Variants in NWD1 observed in about 807,000 individuals in gnomAD.
NWD1 encodes NACHT and WD repeat domain containing 1, also known as NACHT domain- and WD repeat-containing protein 1.
Under a neutral mutation model 135.1 loss-of-function variants are expected in NWD1, and 129 were observed. The ratio of observed to expected loss-of-function variants is 0.96; its 90% CI spans 0.83 to 1.11. The LOEUF is 1.11. NWD1 is among the 50% of genes least tolerant of loss of function. NWD1 has a pLI of 0.00. For missense variants in NWD1, 1,740 were observed against 1,851.3 expected (o/e 0.94, Z 1.10); for synonymous variants, 773 against 786.0 (o/e 0.98, Z 0.28).
chr19:16,813,341 T>A (rs1970981527), intron 18 of NWD1, among the ~76,000 whole-genome samples: 1 of 152,224 alleles, frequency 6.6e-6, no homozygotes. Flanking sequence ...TTCATCAATA[T>A]AAGAGGACAC....
chr19:16,796,015 G>A (rs1452752160), intron 15 of NWD1, among the ~76,000 whole-genome samples: 1 of 152,150 alleles, frequency 6.6e-6, no homozygotes, highest in African/African-American at 2.4e-5. Context: ...CAACAAAACA[G>A]CTCTCAGGGG....
Position 16,782,676 on chromosome 19 carries a change from A to G in NWD1, c.2731+3211A>G, listed in dbSNP as rs1023245107. Among the ~76,000 whole-genome samples the G allele has an allele frequency of 6.6e-5, 10 of 152,100 alleles. 1 individual carries two copies. The highest frequency in any genetic ancestry group is 2.4e-4 in the African/African-American group (10 of 41,426). ...CTCCATATCTGTGGGTTTTGCATCT[A>G]TAGATTCAACCGACTGTGGATTGAA... is the stretch of plus-strand genomic sequence containing the variant. On this transcript the variant is annotated intron_variant, in intron 12 of 18. Transcript: ENST00000524140.
chr19:16,765,259 C>T lies in NWD1; in HGVS notation c.2410+67C>T, dbSNP rs568096338. On this transcript the variant is annotated intron_variant, in intron 10 of 18. Transcript: ENST00000524140. Reference sequence around the variant, plus strand: ...CTGACTTCTAGAAACATGCTCTCCTCATTGAGTCATGAGCTGGATTTTCAT... The same window carrying T: ...CTGACTTCTAGAAACATGCTCTCCTTATTGAGTCATGAGCTGGATTTTCAT... The T allele has an allele frequency of 5.0e-5, 72 of 1,435,536 alleles. No homozygotes were observed. In the South Asian group the frequency reaches 8.8e-4, roughly 18 times the overall value. The allele number at this position is 1,435,536 out of a possible 1,614,324, so 88.9% of individuals were successfully genotyped here. A position where few individuals can be genotyped will look rare whatever the true frequency, so the allele number is the denominator to read the frequency against.
At chr19:16,732,598 A>ATTTTTTTTTTT (rs139987064) in intron 3 of NWD1, among the ~76,000 whole-genome samples, 1 of 117,322 alleles carries the variant, frequency 8.5e-6, no homozygotes, top group Non-Finnish European at 1.7e-5. Flanking sequence ...CTGGCTAGGG[A>ATTTTTTTTTTT]ATTTTTTTTT....
intron 6 of NWD1, among the ~76,000 whole-genome samples, chr19:16,755,170 C>G (rs951935385): frequency 6.6e-6 from 1 of 152,060 alleles, no homozygotes; most frequent in African/African-American, 2.4e-5. Context: ...ATATCTATCT[C>G]TCTATTTCTC....
chr19:16,750,084 G>A lies in NWD1; in HGVS notation c.1442G>A (p.Arg481Gln), dbSNP rs76563274. 1.6e-3 allele frequency: 2,575 copies of A among 1,613,968 alleles called. 27 individuals are homozygous for A. In the African/African-American group the frequency reaches 0.027, roughly 17 times the overall value. The change falls in exon 6 of 19, where the codon CGG (arginine) becomes CAG (glutamine). Residue 481 changes from arginine to glutamine, a missense_variant. Transcript: ENST00000524140. ...CTGGGGGTTTTGGACACCTTGCAGCGGGTGCTCCTGGACCCGGAGGCCTAC... is the reference window on the plus strand; with the variant it reads ...CTGGGGGTTTTGGACACCTTGCAGCAGGTGCTCCTGGACCCGGAGGCCTAC... ...GALGVLDTLQ[R>Q]VLLDPEAYWE...
chr19:16,795,519 C>T (rs188273553), intron 15 of NWD1, among the ~76,000 whole-genome samples: 74 of 151,102 alleles, frequency 4.9e-4, no homozygotes, highest in Middle Eastern at 3.5e-3. Flanking sequence ...CGGGTTCAAG[C>T]GATTCTCCTG....
intron 13 of NWD1, among the ~76,000 whole-genome samples, chr19:16,790,471 G>A (rs538441228): frequency 1.3e-5 from 2 of 151,810 alleles, no homozygotes; most frequent in South Asian, 2.1e-4. Flanking sequence ...TCGGGGGGTA[G>A]GGGGTAAGGG....
In NWD1 at chr19:16,807,744, C is replaced by G. The variant is rs530434388; in HGVS notation, c.3895C>G (p.Arg1299Gly). The G allele has an allele frequency of 1.2e-6, 2 of 1,613,080 alleles. No individual in the cohort carries two copies. Among genetic ancestry groups the G allele is most frequent in the African/African-American group, 1.3e-5 (1 of 74,882 alleles). Residue 1299 changes from arginine to glycine, a missense_variant, in exon 18 of 19, where the codon CGG becomes GGG. Physicochemically the swap from Arg to Gly is moderately radical, Grantham distance 125. Coordinates refer to ENST00000524140, the MANE Select transcript of NWD1 (RefSeq NM_001007525.5). ...DVICIPPPEA[R>G]KAINCMSLSK... The stretch of plus-strand genomic sequence containing the variant: ...GATATGCATTCCCCCTCCCGAGGCC[C>G]GGAAAGCAATCAACTGCATGTCCCT...
intron 18 of NWD1, among the ~76,000 whole-genome samples, chr19:16,811,605 G>A (rs1970927254): frequency 1.3e-5 from 2 of 149,640 alleles, no homozygotes; most frequent in Non-Finnish European, 1.5e-5. Context: ...AAAAAAGAAA[G>A]AAAGAAAGAA....
chr19:16,755,293 G>A lies in NWD1; in HGVS notation c.1770-3932G>A, dbSNP rs138221689. On this transcript the variant is annotated intron_variant, in intron 6 of 18. Transcript: ENST00000524140. ...TGCACTGAAGCGATCACAGCTCGCCGCAGTCTTGACTTCTTGGGCTCAAGC... is the reference window on the plus strand; with the variant it reads ...TGCACTGAAGCGATCACAGCTCGCCACAGTCTTGACTTCTTGGGCTCAAGC... Among the ~76,000 whole-genome samples the A allele has an allele frequency of 8.1e-3, 1,229 of 152,100 alleles. 19 individuals are homozygous for A. The highest frequency in any genetic ancestry group is 0.028 in the African/African-American group (1,179 of 41,492).
intron 1 of NWD1, among the ~76,000 whole-genome samples, chr19:16,723,727 T>C (rs1195561097): frequency 1.3e-5 from 2 of 152,088 alleles, no homozygotes; most frequent in Non-Finnish European, 2.9e-5. Context: ...TGAGATGGAC[T>C]GTCCCTCTGT....
At chr19:16,758,242 C>T (rs975519029) in intron 6 of NWD1, among the ~76,000 whole-genome samples, 1 of 152,068 alleles carries the variant, frequency 6.6e-6, no homozygotes, top group Non-Finnish European at 1.5e-5. Flanking sequence ...TAATTTTTAA[C>T]CAGTTTAACT....
At chr19:16,779,134 G>A (rs752620481) in intron 11 of NWD1, among the ~76,000 whole-genome samples, 1 of 152,136 alleles carries the variant, frequency 6.6e-6, no homozygotes, top group African/African-American at 2.4e-5. Context: ...CCCTACCTAA[G>A]AGCGAAGTGA....
intron 12 of NWD1, among the ~76,000 whole-genome samples, chr19:16,779,867 C>A (rs1969794941): frequency 6.6e-6 from 1 of 152,106 alleles, no homozygotes; most frequent in Non-Finnish European, 1.5e-5. Flanking sequence ...AACTCTTGGG[C>A]TCAAGTGATC....
chr19:16,768,128 G>A (rs1433228965), intron 10 of NWD1, among the ~76,000 whole-genome samples: 4 of 151,826 alleles, frequency 2.6e-5, no homozygotes, highest in Middle Eastern at 6.8e-3. Context: ...CAGAGTAGCT[G>A]GGATTACAGG....
chr19:16,743,945 A>T (rs139466836), intron 4 of NWD1, among the ~76,000 whole-genome samples: 2,445 of 152,234 alleles, frequency 0.016, 69 homozygotes, highest in African/African-American at 0.056. Context: ...GGCCTCCCAA[A>T]GTGCTGGGAT....
chr19:16,791,459 C>A lies in NWD1; in HGVS notation c.3050C>A (p.Thr1017Lys), dbSNP rs779324661. The A allele has an allele frequency of 1.2e-6, 2 of 1,614,146 alleles. No homozygotes were observed. Among genetic ancestry groups the A allele is most frequent in the East Asian group, 2.2e-5 (1 of 44,878 alleles). ...AVLASQATLL[T>K]VSRDGVVSLW... Reference sequence around the variant, plus strand: ...CTGGCCTCCCAGGCCACACTGCTGACAGTGTCCAGGGATGGTGTGGTCAGT... The same window carrying A: ...CTGGCCTCCCAGGCCACACTGCTGAAAGTGTCCAGGGATGGTGTGGTCAGT... Residue 1017 changes from threonine (T) to lysine (K), a missense_variant, in exon 14 of 19, where the codon ACA (threonine) becomes AAA (lysine). Coordinates refer to ENST00000524140, the MANE Select transcript of NWD1 (RefSeq NM_001007525.5).
intron 6 of NWD1, among the ~76,000 whole-genome samples, chr19:16,754,580 C>A (rs906244977): frequency 6.7e-6 from 1 of 150,230 alleles, no homozygotes; most frequent in Admixed American, 6.6e-5. Flanking sequence ...TAAAGTCCAT[C>A]TATCCTTCCA....
Sources: allele counts gnomAD v4.1 joint callset (sites outside exome capture counted in the v4.1 genomes callset), GRCh38; gene constraint gnomAD v4.1.1; transcripts MANE v1.5; gene names NCBI Gene and HGNC (gene_info 2026-07-23, HGNC 2026-07-21).